Variants in EYS observed in about 807,000 individuals in gnomAD.
EYS encodes the protein protein eyes shut homolog.
In EYS, 250 loss-of-function variants were observed where a neutral mutation model predicts 282.1. That is an observed-to-expected ratio of 0.89 (90% CI 0.80 to 0.98). The LOEUF (loss-of-function observed/expected upper bound fraction) is 0.98. Ranked by LOEUF, EYS falls within the 50% of genes least tolerant of loss-of-function variation. EYS has a pLI of 0.00. For synonymous variants in EYS, 1,355 were observed against 1,282.9 expected, an observed-to-expected ratio of 1.06 and a Z score of -1.20; for missense variants, 4,016 against 3,709.0, an observed-to-expected ratio of 1.08 and a Z score of -2.15.
rs948057309 is a variant in EYS at position 64,590,253 on chromosome 6, T to C, written c.5614A>G (p.Ile1872Val). 6.5e-7 allele frequency: 1 copy of C among 1,548,746 alleles called. No individual in the cohort carries two copies. The stretch of plus-strand genomic sequence containing the variant: ...ATCATCAGCCGTTGAGGTGCCAGAA[T>C]GGATTCCAGTGAAGACAAAGTAAGA... ...RSLTLSSLES[I>V]LAPQRLMISD... Residue 1872 changes from isoleucine to valine, a missense_variant, in exon 26 of 43, where the codon ATT becomes GTT. Physicochemically the swap from Ile to Val is conservative, Grantham distance 29. Coordinates refer to ENST00000503581, the MANE Select transcript of EYS (RefSeq NM_001142800.2).
intron 32 of EYS, among the ~76,000 whole-genome samples, chr6:64,077,898 A>G (rs1201139194): frequency 6.6e-6 from 1 of 152,024 alleles, no homozygotes; most frequent in Admixed American, 6.6e-5. Flanking sequence ...GGCAGATTCA[A>G]AAAGCTTTCT....
intron 26 of EYS, among the ~76,000 whole-genome samples, chr6:64,499,417 G>T (rs1025205696): frequency 6.6e-6 from 1 of 152,106 alleles, no homozygotes; most frequent in Non-Finnish European, 1.5e-5. Flanking sequence ...TACTGTGGTT[G>T]TCAACAACTG....
At chr6:64,013,168 C>T (rs960180609) in intron 33 of EYS, among the ~76,000 whole-genome samples, 9 of 152,144 alleles carry the variant, frequency 5.9e-5, no homozygotes, top group Admixed American at 5.9e-4. Context: ...TTCACTTACT[C>T]CCTTGATTAA....
intron 12 of EYS, among the ~76,000 whole-genome samples, chr6:65,217,358 A>G (rs1263295039): frequency 2.0e-5 from 3 of 152,118 alleles, no homozygotes; most frequent in African/African-American, 7.2e-5. Context: ...TATTATGTAT[A>G]GCAATGCTTT....
intron 2 of EYS, among the ~76,000 whole-genome samples, chr6:65,619,272 C>A (rs1766365743): frequency 6.6e-6 from 1 of 151,252 alleles, no homozygotes; most frequent in African/African-American, 2.4e-5. Flanking sequence ...CCTTCACGTC[C>A]CTTGTAAGTT....
chr6:64,897,203 G>A (rs1767502627), intron 18 of EYS, among the ~76,000 whole-genome samples: 1 of 151,906 alleles, frequency 6.6e-6, no homozygotes, highest in Non-Finnish European at 1.5e-5. Flanking sequence ...ATACAGGAGA[G>A]CTCTGGTTGG....
chr6:65,440,831 G>GA (rs572804608), intron 5 of EYS, among the ~76,000 whole-genome samples: 1 of 142,680 alleles, frequency 7.0e-6, no homozygotes, highest in Admixed American at 7.1e-5. Flanking sequence ...CCTTTGTGTA[G>GA]AAAAAAAATA....
chr6:65,150,171 C>T (rs746019578), intron 12 of EYS, among the ~76,000 whole-genome samples: 2 of 151,986 alleles, frequency 1.3e-5, no homozygotes, highest in African/African-American at 2.4e-5. Context: ...GCCATATCAC[C>T]TGTCATTATG....
chr6:65,153,970 A>G (rs1764677044), intron 12 of EYS, among the ~76,000 whole-genome samples: 1 of 151,854 alleles, frequency 6.6e-6, no homozygotes, highest in African/African-American at 2.4e-5. Flanking sequence ...CAATTAGCTA[A>G]TAATTGTCTA....
chr6:64,069,023 G>C (rs944950772), intron 32 of EYS, among the ~76,000 whole-genome samples: 4 of 151,996 alleles, frequency 2.6e-5, no homozygotes, highest in African/African-American at 9.7e-5. Flanking sequence ...TGTGACTACA[G>C]AAACAGAGAC....
At chr6:64,154,948 C>T (rs2150297057) in intron 31 of EYS, among the ~76,000 whole-genome samples, 1 of 152,224 alleles carries the variant, frequency 6.6e-6, no homozygotes, top group South Asian at 2.1e-4. Flanking sequence ...ATCACAGCCA[C>T]CTATTTTGAG....
At chr6:64,663,850 T>TTCTATTAG (rs1168390689) in intron 22 of EYS, among the ~76,000 whole-genome samples, 2 of 152,140 alleles carry the variant, frequency 1.3e-5, no homozygotes, top group Non-Finnish European at 2.9e-5. Context: ...GGCCATGCAG[T>TTCTATTAG]AAGTGTTATA....
intron 7 of EYS, among the ~76,000 whole-genome samples, chr6:65,385,493 A>G (rs1294292062): frequency 1.3e-5 from 2 of 151,756 alleles, no homozygotes; most frequent in Non-Finnish European, 2.9e-5. Flanking sequence ...ATAATCATCC[A>G]CTTTTTTTCA....
intron 26 of EYS, among the ~76,000 whole-genome samples, chr6:64,583,173 T>G (rs550120317): frequency 5.5e-4 from 84 of 152,240 alleles, no homozygotes; most frequent in South Asian, 3.9e-3. Flanking sequence ...ACATCTTACT[T>G]GTAGGGTGGA....
intron 31 of EYS, among the ~76,000 whole-genome samples, chr6:64,182,061 A>G (rs1202206863): frequency 2.0e-5 from 3 of 152,190 alleles, no homozygotes; most frequent in African/African-American, 7.2e-5. Flanking sequence ...TCACTAATAC[A>G]CTAATTGAAT....
At chr6:65,439,174 T>C (rs1768202823) in intron 5 of EYS, among the ~76,000 whole-genome samples, 1 of 152,082 alleles carries the variant, frequency 6.6e-6, no homozygotes, top group Non-Finnish European at 1.5e-5. Flanking sequence ...AGATGTGTGG[T>C]ATTATTTCTG....
chr6:65,418,884 A>G (rs533392882), intron 5 of EYS, among the ~76,000 whole-genome samples: 12 of 152,120 alleles, frequency 7.9e-5, no homozygotes, highest in African/African-American at 2.9e-4. Flanking sequence ...CTCAAGCCAC[A>G]ATAAGCGAAC....
At chr6:64,196,337 A>G (rs113610123) in intron 31 of EYS, among the ~76,000 whole-genome samples, 2,017 of 152,196 alleles carry the variant, frequency 0.013, 35 homozygotes, top group African/African-American at 0.044. Context: ...TCAGTGTGGC[A>G]ATTCCTCAGG....
intron 2 of EYS, among the ~76,000 whole-genome samples, chr6:65,504,071 C>T (rs1397379376): frequency 6.6e-6 from 1 of 151,344 alleles, no homozygotes; most frequent in Non-Finnish European, 1.5e-5. Context: ...ATTGAGGCTC[C>T]CAATCAATGA....
Sources: gnomAD v4.1 joint callset for allele counts (sites outside exome capture counted in the v4.1 genomes callset) on GRCh38, gnomAD v4.1.1 for gene constraint, MANE v1.5 for transcripts, NCBI Gene and HGNC (gene_info 2026-07-23, HGNC 2026-07-21) for gene names.